Variants in MYO16 observed in about 807,000 individuals in gnomAD.
MYO16 encodes the protein myosin XVI.
A neutral mutation model predicts 205.3 loss-of-function variants in MYO16; 94 were observed. The observed-to-expected ratio is 0.46, with a 90% confidence interval of 0.39 to 0.54. The LOEUF (loss-of-function observed/expected upper bound fraction) is 0.54, where lower values mean the gene tolerates loss of function less well. Among genes scored for constraint, MYO16 ranks in the 20% least tolerant of loss-of-function variants. The pLI, the probability that MYO16 is intolerant of heterozygous loss-of-function variation, is 0.00. For missense variants in MYO16, 2,315 were observed against 2,387.5 expected, an observed-to-expected ratio of 0.97 and a Z score of 0.63; for synonymous variants, 988 against 954.0, an observed-to-expected ratio of 1.04 and a Z score of -0.66.
chr13:108,933,463 A>G (rs1882347252), intron 16 of MYO16, among the ~76,000 whole-genome samples: 1 of 152,060 alleles, frequency 6.6e-6, no homozygotes, highest in South Asian at 2.1e-4. Flanking sequence ...TTTAAGATAT[A>G]TTAGATATCG....
At chr13:109,121,345 T>C (rs1281046864) in intron 29 of MYO16, among the ~76,000 whole-genome samples, 1 of 152,128 alleles carries the variant, frequency 6.6e-6, no homozygotes, top group Non-Finnish European at 1.5e-5. Context: ...CTTCTAACGA[T>C]AAAAAGACCT....
At chr13:109,177,086 A>C (rs1469701739) in intron 33 of MYO16, among the ~76,000 whole-genome samples, 1 of 152,192 alleles carries the variant, frequency 6.6e-6, no homozygotes, top group Non-Finnish European at 1.5e-5. Flanking sequence ...GCTCTCAGCC[A>C]GGCATGTCCT....
At chr13:108,741,069 C>T (rs1884892181) in intron 4 of MYO16, among the ~76,000 whole-genome samples, 2 of 151,992 alleles carry the variant, frequency 1.3e-5, no homozygotes, top group Admixed American at 1.3e-4. Flanking sequence ...ATTCCCTGAC[C>T]CCTTGTGCTT....
At chr13:108,793,297 A>AG (rs1886676559) in intron 5 of MYO16, among the ~76,000 whole-genome samples, 1 of 139,538 alleles carries the variant, frequency 7.2e-6, no homozygotes, top group Non-Finnish European at 1.6e-5. Context: ...AAAAAAAAAA[A>AG]AAAAAAAACA....
intron 5 of MYO16, among the ~76,000 whole-genome samples, chr13:108,789,550 G>A (rs2138933701): frequency 6.6e-6 from 1 of 152,276 alleles, no homozygotes. Context: ...CAGTCTGCAT[G>A]ACTACATAAG....
chr13:108,735,835 CT>C (rs758186145), intron 4 of MYO16, among the ~76,000 whole-genome samples: 262 of 152,098 alleles, frequency 1.7e-3, no homozygotes, highest in Non-Finnish European at 3.0e-3. Context: ...GATCACCATT[CT>C]AACTGGTGTG....
chr13:108,905,210 G>A (rs939781234), intron 15 of MYO16, among the ~76,000 whole-genome samples: 28 of 152,232 alleles, frequency 1.8e-4, no homozygotes, highest in African/African-American at 6.7e-4. Flanking sequence ...GTGAATAGGT[G>A]AATGTCACTG....
At chr13:108,874,560 C>T (rs1409369323) in intron 12 of MYO16, among the ~76,000 whole-genome samples, 1 of 151,930 alleles carries the variant, frequency 6.6e-6, no homozygotes, top group Non-Finnish European at 1.5e-5. Flanking sequence ...TGAGGTTAAA[C>T]AGATTTTCTA....
chr13:109,177,426 C>T (rs549431242), intron 33 of MYO16, among the ~76,000 whole-genome samples: 39 of 152,290 alleles, frequency 2.6e-4, no homozygotes, highest in South Asian at 4.2e-4. Context: ...AGCAGGCTAT[C>T]GATTCCGCTC....
At chr13:109,070,380 C>G (rs1358893860) in intron 27 of MYO16, among the ~76,000 whole-genome samples, 1 of 152,194 alleles carries the variant, frequency 6.6e-6, no homozygotes, top group Non-Finnish European at 1.5e-5. Flanking sequence ...AATGGACTAA[C>G]ACACAAATGA....
intron 33 of MYO16, among the ~76,000 whole-genome samples, chr13:109,172,258 A>G (rs1878953419): frequency 6.6e-6 from 1 of 152,238 alleles, no homozygotes; most frequent in Admixed American, 6.5e-5. Flanking sequence ...CCTAACAGCC[A>G]GAGAAAAGGA....
chr13:108,617,437 C>T (rs1279089233), intron 1 of MYO16, among the ~76,000 whole-genome samples: 1 of 152,118 alleles, frequency 6.6e-6, no homozygotes, highest in African/African-American at 2.4e-5. Flanking sequence ...TTATTTGATC[C>T]CTAGCAGTTG....
the MYO16 span, among the ~76,000 whole-genome samples, chr13:108,516,161 T>C: frequency 1.3e-5 from 2 of 151,920 alleles, no homozygotes; most frequent in South Asian, 2.1e-4. Flanking sequence ...GAGCCAGGTG[T>C]GGGATATAGT....
intron 27 of MYO16, among the ~76,000 whole-genome samples, chr13:109,074,985 G>A (rs551877028): frequency 2.1e-4 from 32 of 152,194 alleles, no homozygotes; most frequent in African/African-American, 3.1e-4. Flanking sequence ...TTACTCTTGC[G>A]TCTGGTTTCC....
chr13:108,829,191 AG>A (rs1488194651), intron 9 of MYO16, among the ~76,000 whole-genome samples: 32 of 152,334 alleles, frequency 2.1e-4, no homozygotes, highest in African/African-American at 7.5e-4. Context: ...ATTGTACTGC[AG>A]GACATCAGAG....
At chr13:108,666,703 G>T (rs1277202485) in intron 2 of MYO16, among the ~76,000 whole-genome samples, 1 of 152,116 alleles carries the variant, frequency 6.6e-6, no homozygotes, top group African/African-American at 2.4e-5. Flanking sequence ...CGACTCTCAG[G>T]AGTCAATTTC....
At chr13:109,112,911 T>C (rs1315664071) in intron 28 of MYO16, among the ~76,000 whole-genome samples, 1 of 152,242 alleles carries the variant, frequency 6.6e-6, no homozygotes, top group Non-Finnish European at 1.5e-5. Context: ...GCTTTATACT[T>C]TTCCAACATT....
intron 4 of MYO16, among the ~76,000 whole-genome samples, chr13:108,733,331 C>T (rs1196554662): frequency 5.3e-5 from 8 of 152,202 alleles, no homozygotes; most frequent in African/African-American, 1.9e-4. Flanking sequence ...CAATTAGTAA[C>T]TCCCTTGATT....
intron 24 of MYO16, chr13:109,048,398 G>C: frequency 1.4e-6 from 1 of 715,032 alleles, no homozygotes; most frequent in Non-Finnish European, 2.6e-6. Flanking sequence ...TATTTATACA[G>C]GAGGTGTCAG....
Sources: allele counts gnomAD v4.1 joint callset (sites outside exome capture counted in the v4.1 genomes callset), GRCh38; gene constraint gnomAD v4.1.1; transcripts MANE v1.5; gene names NCBI Gene and HGNC (gene_info 2026-07-23, HGNC 2026-07-21).